VSTM2B: variants seen among roughly 807,000 people sequenced by gnomAD.
VSTM2B encodes V-set and transmembrane domain-containing protein 2B.
In VSTM2B, 24 loss-of-function variants were observed where a neutral mutation model predicts 24.0. That is an observed-to-expected ratio of 1.00 (90% confidence interval 0.72 to 1.40). The LOEUF is 1.40. Ranked by LOEUF, VSTM2B falls within the 40% of genes most tolerant of loss-of-function variation. VSTM2B has a pLI of 0.00. For synonymous variants in VSTM2B, 226 were observed against 194.4 expected, an observed-to-expected ratio of 1.16 and a Z score of -1.35; for missense variants, 399 against 416.4, an observed-to-expected ratio of 0.96 and a Z score of 0.36.
At chr19:29,558,157 G>A (rs1004245546) in intron 4 of VSTM2B, among the ~76,000 whole-genome samples, 1 of 152,124 alleles carries the variant, frequency 6.6e-6, no homozygotes, top group Non-Finnish European at 1.5e-5. Flanking sequence ...AAACCTCAAT[G>A]AGATACCATC....
At chr19:29,532,884 C>T (rs946207975) in intron 4 of VSTM2B, among the ~76,000 whole-genome samples, 1 of 152,216 alleles carries the variant, frequency 6.6e-6, no homozygotes, top group African/African-American at 2.4e-5. Flanking sequence ...TGAAATAGAT[C>T]TTTGAGAGTG....
At chr19:29,530,331 G>T in intron 4 of VSTM2B, 41 bp downstream of exon 4, 1 of 1,464,624 alleles carries the variant, frequency 6.8e-7, no homozygotes, top group Non-Finnish European at 9.0e-7. Flanking sequence ...CGGGGATGGC[G>T]CAGGGCTAGG....
chr19:29,536,181 G>A (rs1301628946), intron 4 of VSTM2B, among the ~76,000 whole-genome samples: 3 of 152,170 alleles, frequency 2.0e-5, no homozygotes, highest in Non-Finnish European at 4.4e-5. Context: ...TTGCCATAAG[G>A]GGGAACCAGA....
intron 4 of VSTM2B, among the ~76,000 whole-genome samples, chr19:29,542,591 G>C (rs75388299): frequency 0.058 from 8,857 of 152,188 alleles, 313 homozygotes; most frequent in Middle Eastern, 0.11. Flanking sequence ...AGAATGAATG[G>C]ATGGATGGAT....
At chr19:29,557,148 G>A (rs954595092) in intron 4 of VSTM2B, among the ~76,000 whole-genome samples, 1 of 151,870 alleles carries the variant, frequency 6.6e-6, no homozygotes, top group African/African-American at 2.4e-5. Flanking sequence ...CAGGGCTACA[G>A]TAACCAAACA....
rs1346390860 is a variant in VSTM2B at position 29,529,847 on chromosome 19, C to A, written c.326C>A (p.Ser109Ter). 6.5e-7 allele frequency: 1 copy of A among 1,550,094 alleles called. No individual in the cohort carries two copies. Among genetic ancestry groups the A allele is most frequent in the Non-Finnish European group, 8.7e-7 (1 of 1,146,718 alleles). ...STVRVQGNDI[S>*]HRLRLSAVRL... ...GTACGCGTCCAGGGCAATGACATCTCACACCGGCTTCGGCTGTCTGCCGTG... is the reference window on the plus strand; with the variant it reads ...GTACGCGTCCAGGGCAATGACATCTAACACCGGCTTCGGCTGTCTGCCGTG... The change falls in exon 4 of 5, where the codon TCA becomes TAA. Residue 109 changes from serine (S) to a stop codon, truncating the protein, a stop_gained. Transcript: ENST00000335523. LOFTEE classifies it high-confidence loss of function.
At chr19:29,529,255 C>T (rs114215466) in intron 3 of VSTM2B, among the ~76,000 whole-genome samples, 1 of 152,358 alleles carries the variant, frequency 6.6e-6, no homozygotes, top group African/African-American at 2.4e-5. Flanking sequence ...GCAGCCTCAG[C>T]GTTGCTTGCC....
chr19:29,534,080 A>G (rs1046570364), intron 4 of VSTM2B, among the ~76,000 whole-genome samples: 1 of 152,220 alleles, frequency 6.6e-6, no homozygotes, highest in Non-Finnish European at 1.5e-5. Flanking sequence ...GGGGATGGAA[A>G]GAGCGTATGT....
intron 4 of VSTM2B, among the ~76,000 whole-genome samples, chr19:29,557,943 C>T (rs2078274022): frequency 6.6e-6 from 1 of 152,118 alleles, no homozygotes. Context: ...ATTTTGCAAT[C>T]TATCCATCTG....
chr19:29,538,846 C>T (rs543561908), intron 4 of VSTM2B, among the ~76,000 whole-genome samples: 5 of 152,122 alleles, frequency 3.3e-5, no homozygotes, highest in Admixed American at 6.5e-5. Context: ...CCAGGCCATT[C>T]GTGGGGGATC....
intron 4 of VSTM2B, among the ~76,000 whole-genome samples, chr19:29,554,202 C>A (rs1357127829): frequency 6.6e-6 from 1 of 152,168 alleles, no homozygotes; most frequent in Non-Finnish European, 1.5e-5. Flanking sequence ...CAGAGGGAAG[C>A]CCATTATACT....
intron 4 of VSTM2B, among the ~76,000 whole-genome samples, chr19:29,538,902 C>T (rs1335632234): frequency 1.1e-4 from 16 of 152,176 alleles, no homozygotes; most frequent in Admixed American, 9.8e-4. Flanking sequence ...ACCTCCAACA[C>T]TGGGGATCAC....
chr19:29,557,356 G>A (rs1970433728), intron 4 of VSTM2B, among the ~76,000 whole-genome samples: 1 of 152,156 alleles, frequency 6.6e-6, no homozygotes, highest in African/African-American at 2.4e-5. Flanking sequence ...AATTGAAACT[G>A]GACCTCTTCC....
chr19:29,534,716 C>CAAA (rs11425011), intron 4 of VSTM2B, among the ~76,000 whole-genome samples: 1 of 140,300 alleles, frequency 7.1e-6, no homozygotes. Flanking sequence ...AACTCTGTCT[C>CAAA]AAAAAAAAAA....
Position 29,530,136 on chromosome 19 carries a change from G to C in VSTM2B, c.615G>C (p.Gly205=). The C allele has an allele frequency of 6.8e-7, 1 of 1,460,540 alleles. No individual in the cohort carries two copies. The allele number at this position is 1,460,540 out of a possible 1,614,324, so 90.5% of individuals were successfully genotyped here. A position where few individuals can be genotyped will look rare whatever the true frequency, so the allele number is the denominator to read the frequency against. ...GCGGCGACAAGAGCCCGCCGCCCGG[G>C]AGCCCTCCCGCCGCCATCGATCCCG... ...PGRGDKSPPP[G]SPPAAIDPAV... is the part of the protein sequence containing the mutation. The change falls in exon 4 of 5, where the codon GGG becomes GGC. Residue 205 remains glycine (G), a synonymous_variant. Transcript: ENST00000335523.
chr19:29,563,805 G>C (rs1231708124), intron 4 of VSTM2B, 41 bp from the exon 5 acceptor site: 22 of 1,529,906 alleles, frequency 1.4e-5, no homozygotes, highest in African/African-American at 2.8e-5. Flanking sequence ...AGGTTCTTGA[G>C]ACTCAGGTGT....
chr19:29,529,201 C>T, intron 3 of VSTM2B: 4 of 933,066 alleles, frequency 4.3e-6, no homozygotes, highest in Non-Finnish European at 5.1e-6. Context: ...TCTGGAGATC[C>T]CGCGGAAAGG....
At chr19:29,552,554 T>C (rs563826633) in intron 4 of VSTM2B, among the ~76,000 whole-genome samples, 1 of 152,288 alleles carries the variant, frequency 6.6e-6, no homozygotes, top group East Asian at 1.9e-4. Flanking sequence ...TTTCCACAGA[T>C]CTGTGAAACC....
chr19:29,536,413 G>T (rs1369312251), intron 4 of VSTM2B, among the ~76,000 whole-genome samples: 6 of 152,286 alleles, frequency 3.9e-5, no homozygotes, highest in Non-Finnish European at 5.9e-5. Context: ...CCTTCCCAAG[G>T]TTGGAGAAGT....
Sources: gnomAD v4.1 joint callset for allele counts (sites outside exome capture counted in the v4.1 genomes callset) on GRCh38, gnomAD v4.1.1 for gene constraint, MANE v1.5 for transcripts, NCBI Gene and HGNC (gene_info 2026-07-23, HGNC 2026-07-21) for gene names.